EEFSEC: variants seen among roughly 807,000 people sequenced by gnomAD.
The protein encoded by EEFSEC is eukaryotic elongation factor, selenocysteine-tRNA specific.
In EEFSEC, 43 loss-of-function variants were observed where a neutral mutation model predicts 42.1. The ratio of observed to expected loss-of-function variants is 1.02; its 90% CI spans 0.80 to 1.32. EEFSEC has a LOEUF of 1.32. EEFSEC is among the 40% of genes most tolerant of loss of function. The pLI, the probability that EEFSEC is intolerant of heterozygous loss-of-function variation, is 0.00. For missense variants in EEFSEC, 745 were observed against 803.6 expected, an observed-to-expected ratio of 0.93 and a Z score of 0.88; for synonymous variants, 354 against 339.1, an observed-to-expected ratio of 1.04 and a Z score of -0.48.
intron 4 of EEFSEC, among the ~76,000 whole-genome samples, chr3:128,320,776 T>C (rs1474608396): frequency 6.6e-6 from 1 of 152,202 alleles, no homozygotes; most frequent in Non-Finnish European, 1.5e-5. Context: ...TCCACCAGTG[T>C]ATAAGTGTTA....
At chr3:128,305,416 T>G (rs929890146) in intron 4 of EEFSEC, among the ~76,000 whole-genome samples, 1 of 152,356 alleles carries the variant, frequency 6.6e-6, no homozygotes, top group Middle Eastern at 3.4e-3. Flanking sequence ...TTCTCCTTTA[T>G]TCTTTTTAAA....
chr3:128,394,143 G>T (rs1331739434), intron 6 of EEFSEC, among the ~76,000 whole-genome samples: 10 of 152,200 alleles, frequency 6.6e-5, no homozygotes, highest in Non-Finnish European at 1.3e-4. Context: ...ACAGACACAG[G>T]GTGCCAGGCC....
intron 2 of EEFSEC, among the ~76,000 whole-genome samples, chr3:128,252,355 A>G (rs1263084517): frequency 6.6e-6 from 1 of 152,110 alleles, no homozygotes; most frequent in Non-Finnish European, 1.5e-5. Context: ...CTGAGCTGCT[A>G]TTTCTTCCTT....
At chr3:128,219,449 G>T (rs1559873576) in intron 1 of EEFSEC, among the ~76,000 whole-genome samples, 1 of 152,152 alleles carries the variant, frequency 6.6e-6, no homozygotes, top group African/African-American at 2.4e-5. Context: ...GCTGTCTGCA[G>T]CCACTTGGGT....
chr3:128,299,617 A>C (rs2108000489), intron 4 of EEFSEC, among the ~76,000 whole-genome samples: 1 of 152,292 alleles, frequency 6.6e-6, no homozygotes, highest in Admixed American at 6.5e-5. Context: ...ACCACCTGAC[A>C]CATGGGGAAG....
At chr3:128,419,993 GGGA>G in the EEFSEC span, among the ~76,000 whole-genome samples, 2 of 152,202 alleles carry the variant, frequency 1.3e-5, no homozygotes, top group African/African-American at 4.8e-5. Context: ...GTGAGAGTAA[GGGA>G]GAGCAACAGA....
chr3:128,334,551 A>C (rs1480306125), intron 4 of EEFSEC, among the ~76,000 whole-genome samples: 1 of 152,200 alleles, frequency 6.6e-6, no homozygotes, highest in Non-Finnish European at 1.5e-5. Flanking sequence ...GACATCAAAA[A>C]CCTCTGTTTC....
intron 1 of EEFSEC, among the ~76,000 whole-genome samples, chr3:128,227,700 T>C (rs1292639394): frequency 2.0e-5 from 3 of 152,148 alleles, no homozygotes; most frequent in East Asian, 3.8e-4. Flanking sequence ...CGGGGGTGAA[T>C]TGAGCCCGAG....
intron 1 of EEFSEC, among the ~76,000 whole-genome samples, chr3:128,172,124 C>A (rs749392835): frequency 3.3e-5 from 5 of 152,208 alleles, no homozygotes; most frequent in African/African-American, 9.6e-5. Context: ...ACTCCTGTCC[C>A]ACCAGATTCC....
intron 4 of EEFSEC, among the ~76,000 whole-genome samples, chr3:128,318,458 T>C (rs555195537): frequency 8.5e-5 from 13 of 152,232 alleles, no homozygotes; most frequent in Middle Eastern, 3.4e-3. Flanking sequence ...GTCCCACCCG[T>C]TCCTGCTCCA....
intron 4 of EEFSEC, among the ~76,000 whole-genome samples, chr3:128,309,902 C>T (rs2066872443): frequency 6.6e-6 from 1 of 152,208 alleles, no homozygotes; most frequent in African/African-American, 2.4e-5. Context: ...TGCTGGATGC[C>T]ACACTCTGTG....
intron 1 of EEFSEC, among the ~76,000 whole-genome samples, chr3:128,223,036 C>T (rs887495877): frequency 3.9e-5 from 6 of 152,196 alleles, no homozygotes; most frequent in Non-Finnish European, 1.5e-5. Flanking sequence ...ATCAGGCTGA[C>T]CTCCTGACCT....
At chr3:128,173,334 GGGCT>G (rs1177345077) in intron 1 of EEFSEC, among the ~76,000 whole-genome samples, 1 of 152,194 alleles carries the variant, frequency 6.6e-6, no homozygotes, top group Non-Finnish European at 1.5e-5. Flanking sequence ...CCCTAAGGCA[GGGCT>G]GGCAAGCGGG....
chr3:128,392,851 T>A (rs1258827576), intron 6 of EEFSEC, among the ~76,000 whole-genome samples: 2 of 152,326 alleles, frequency 1.3e-5, no homozygotes, highest in East Asian at 3.9e-4. Context: ...GCCCTCGGGC[T>A]GGTGTGGGGC....
At chr3:128,171,833 A>T (rs894764004) in intron 1 of EEFSEC, among the ~76,000 whole-genome samples, 1 of 32,756 alleles carries the variant, frequency 3.1e-5, no homozygotes, top group East Asian at 1.2e-3. Context: ...TGAAAATATT[A>T]AAAAAAAAAA....
At chr3:128,302,034 GAGTGTT>G (rs1334869928) in intron 4 of EEFSEC, among the ~76,000 whole-genome samples, 9 of 152,194 alleles carry the variant, frequency 5.9e-5, no homozygotes, top group African/African-American at 2.2e-4. Flanking sequence ...AAGTTGGTTA[GAGTGTT>G]AGTTAAACCA....
chr3:128,211,939 A>T (rs1226564276), intron 1 of EEFSEC, among the ~76,000 whole-genome samples: 1 of 123,580 alleles, frequency 8.1e-6, no homozygotes, highest in Non-Finnish European at 1.6e-5. Flanking sequence ...GGCTCACTGT[A>T]AGCTCCGCCT....
chr3:128,242,500 T>TA (rs60232262), intron 1 of EEFSEC, among the ~76,000 whole-genome samples: 77 of 151,680 alleles, frequency 5.1e-4, no homozygotes, highest in Non-Finnish European at 9.1e-4. Flanking sequence ...TTGACTTTTT[T>TA]AAAAAAAAAT....
intron 4 of EEFSEC, among the ~76,000 whole-genome samples, chr3:128,265,770 T>C (rs1243951423): frequency 6.6e-6 from 1 of 152,224 alleles, no homozygotes; most frequent in Non-Finnish European, 1.5e-5. Flanking sequence ...CTAGGTGTGT[T>C]GGTTAAGGTT....
Sources: allele counts gnomAD v4.1 joint callset (sites outside exome capture counted in the v4.1 genomes callset), GRCh38; gene constraint gnomAD v4.1.1; transcripts MANE v1.5; gene names NCBI Gene and HGNC (gene_info 2026-07-23, HGNC 2026-07-21).